The following LCA5L variants were observed in gnomAD, a reference collection of about 807,000 sequenced individuals.
The protein encoded by LCA5L is lebercilin LCA5 like.
A neutral mutation model predicts 45.4 loss-of-function variants in LCA5L; 35 were observed. The ratio of observed to expected loss-of-function variants is 0.77; its 90% CI spans 0.59 to 1.02. The LOEUF is 1.02. Among genes scored for constraint, LCA5L ranks in the 50% least tolerant of loss-of-function variants. LCA5L has a pLI of 0.00. For missense variants in LCA5L, 668 were observed against 761.6 expected, an observed-to-expected ratio of 0.88 and a Z score of 1.45; for synonymous variants, 233 against 264.7, an observed-to-expected ratio of 0.88 and a Z score of 1.16.
chr21:39,430,482 G>T (rs572427543), intron 3 of LCA5L, among the ~76,000 whole-genome samples: 3 of 152,194 alleles, frequency 2.0e-5, no homozygotes, highest in Admixed American at 6.5e-5. Flanking sequence ...CAATTTGAAG[G>T]CAGACCGGCT....
chr21:39,412,091 ATTC>A (rs2040186408), intron 7 of LCA5L, among the ~76,000 whole-genome samples: 4 of 152,324 alleles, frequency 2.6e-5, no homozygotes, highest in African/African-American at 9.6e-5. Context: ...TTTATGAAAT[ATTC>A]TTCTGTACTG....
At chr21:39,414,734 C>CTGTGTGTGTG (rs1446676855) in intron 7 of LCA5L, among the ~76,000 whole-genome samples, 73 of 103,246 alleles carry the variant, frequency 7.1e-4, no homozygotes, top group African/African-American at 2.8e-3. Flanking sequence ...CTCTCTCTCT[C>CTGTGTGTGTG]TCTCTCTCTG....
chr21:39,437,857 G>A (rs2076435906), intron 2 of LCA5L, among the ~76,000 whole-genome samples: 1 of 151,842 alleles, frequency 6.6e-6, no homozygotes, highest in Non-Finnish European at 1.5e-5. Flanking sequence ...ATAATATGAA[G>A]GAAACTTTAA....
chr21:39,406,996 G>A (rs1289102375), intron 10 of LCA5L, among the ~76,000 whole-genome samples: 1 of 152,184 alleles, frequency 6.6e-6, no homozygotes, highest in Non-Finnish European at 1.5e-5. Context: ...GGAGGCTGAG[G>A]CAGGAGGACT....
In LCA5L at chr21:39,409,270, C is replaced by A. The variant is rs2147139944; in HGVS notation, c.1282+709G>T. 6.6e-6 allele frequency among the ~76,000 whole-genome samples: 1 copy of A among 152,274 alleles called. No individual in the cohort carries two copies. The highest frequency in any genetic ancestry group is 2.1e-4 in the South Asian group (1 of 4,830). On this transcript the variant is annotated intron_variant, in intron 10 of 10. Transcript: ENST00000288350. This position sits in a 1 kb window ranked among gnomAD's most constrained non-coding sequence, Gnocchi z 4.2. ...GAGGGCCTTAACTGAAGCCAAATGC[C>A]TAGAACCTTGATCTCGGACTTCCTA... is the stretch of plus-strand genomic sequence containing the variant.
At chr21:39,432,265 T>C (rs2075810504) in intron 3 of LCA5L, among the ~76,000 whole-genome samples, 1 of 152,180 alleles carries the variant, frequency 6.6e-6, no homozygotes, top group Non-Finnish European at 1.5e-5. Flanking sequence ...ATGCTTCTTT[T>C]TGCTACAACA....
At chr21:39,410,196 A>C in intron 9 of LCA5L, 68 bp downstream of exon 9, 1 of 1,248,386 alleles carries the variant, frequency 8.0e-7, no homozygotes, top group Non-Finnish European at 1.2e-6. Flanking sequence ...ACATAGAACA[A>C]GTGACTGTAG....
Position 39,428,393 on chromosome 21 carries a change from C to T in LCA5L, c.101G>A (p.Gly34Asp), listed in dbSNP as rs777622619. The change falls in exon 5 of 11, where the codon GGC (glycine) becomes GAC (aspartate). Residue 34 changes from glycine to aspartate, a missense_variant. Transcript: ENST00000288350. Reference sequence around the variant, plus strand: ...ACTGTTCCGTGAAAAATCGCCTGTGCCTGGGCTTCTCTTGCATGCTGCAGA... The same window carrying T: ...ACTGTTCCGTGAAAAATCGCCTGTGTCTGGGCTTCTCTTGCATGCTGCAGA... ...RRSAACKRSP[G>D]TGDFSRNSNA... The T allele has an allele frequency of 9.9e-6, 16 of 1,613,166 alleles. No homozygotes were observed. The South Asian group carries it at 1.4e-4, about 14-fold the overall frequency.
In LCA5L at chr21:39,406,309, G is replaced by A; in HGVS notation, c.1586C>T (p.Ala529Val). ...RQRRHYSFTE[A>V]TENLHHGLPA... ...AAGCCCATGATGCAGGTTTTCAGTT[G>A]CTTCTGTGAATGAGTAATGTCTTCT... The change falls in exon 11 of 11, where the codon GCA becomes GTA. Residue 529 changes from alanine to valine, a missense_variant. Transcript: ENST00000288350. 6.2e-7 allele frequency: 1 copy of A among 1,614,170 alleles called. No individual in the cohort carries two copies. The highest frequency in any genetic ancestry group is 8.5e-7 in the Non-Finnish European group (1 of 1,180,026).
chr21:39,406,658 A>G, intron 10 of LCA5L, 46 bp from the exon 11 acceptor site: 1 of 1,430,014 alleles, frequency 7.0e-7, no homozygotes, highest in Non-Finnish European at 9.5e-7. Context: ...AAATGAATGG[A>G]TCTCTATTTC....
At chr21:39,412,463 A>G (rs1245653178) in intron 7 of LCA5L, among the ~76,000 whole-genome samples, 1 of 152,222 alleles carries the variant, frequency 6.6e-6, no homozygotes, top group African/African-American at 2.4e-5. Context: ...TCCTTCTTAC[A>G]TGTACACCAG....
Position 39,423,037 on chromosome 21 carries a change from T to G in LCA5L, c.776A>C (p.Glu259Ala). ...GATAATAGATAATTTATGAGTGAGT[T>G]CTTCCCTTTCTGCAAGGTTTTTGTC... ...SEDKNLAERE[E>A]LTHKLSIITT... The change falls in exon 6 of 11, where the codon GAA (glutamate) becomes GCA (alanine). Residue 259 changes from glutamate to alanine, a missense_variant. Physicochemically the swap from Glu to Ala is moderately radical, Grantham distance 107. Coordinates refer to ENST00000288350, the MANE Select transcript of LCA5L (RefSeq NM_152505.4). 6.2e-7 allele frequency: 1 copy of G among 1,614,152 alleles called. No homozygotes were observed. Among genetic ancestry groups the G allele is most frequent in the Non-Finnish European group, 8.5e-7 (1 of 1,179,980 alleles).
rs1030026023 is a variant in LCA5L, at chr21:39,435,827, G to A, written c.-245-254C>T. 5.9e-5 allele frequency among the ~76,000 whole-genome samples: 9 copies of A among 152,162 alleles called. No individual in the cohort carries two copies. In the South Asian group the frequency reaches 1.9e-3, roughly 32 times the overall value. On this transcript the variant is annotated intron_variant, in intron 2 of 10. Coordinates refer to ENST00000288350, the MANE Select transcript of LCA5L (RefSeq NM_152505.4). ...ATTTTTTTGTATTTTTAGTACAGAC[G>A]GGGTTTTACCATGTTGGCCAGGCTG...
At position 39,433,765 on chromosome 21, in the gene LCA5L, CTT is replaced by C. The variant is rs10574657; in HGVS notation, c.-92+1653_-92+1654del. On this transcript the variant is annotated intron_variant, in intron 3 of 10. Transcript: ENST00000288350. ...TACCACACTATTTTGGTTACTGTAG[CTT>C]TTTTTTTTTTTTTTTGAGAGAGGGT... is the stretch of plus-strand genomic sequence containing the variant. 4.3e-3 allele frequency among the ~76,000 whole-genome samples: 588 copies of C among 136,588 alleles called. 3 individuals carry two copies. The highest frequency in any genetic ancestry group is 0.015 in the African/African-American group (551 of 37,504). 89.6% of individuals were successfully genotyped at this position (136,588 alleles called of 152,430 possible). A position where few individuals can be genotyped will look rare whatever the true frequency, so the allele number is the denominator to read the frequency against.
At chr21:39,421,923 T>C (rs1167415732) in intron 6 of LCA5L, 1 of 152,194 alleles carries the variant, frequency 6.6e-6, no homozygotes, top group Non-Finnish European at 1.5e-5. Context: ...TGTATAGATA[T>C]AAAAACATGA....
Position 39,406,472 on chromosome 21 carries a change from C to A in LCA5L, c.1423G>T (p.Val475Phe). ...EQELPPKIIE[V>F]IHPERESNQE... ...TTGCTTTCTCTTTCAGGATGAATAACTTCAATTATTTTTGGTGGTAGTTCT... is the reference window on the plus strand; with the variant it reads ...TTGCTTTCTCTTTCAGGATGAATAAATTCAATTATTTTTGGTGGTAGTTCT... The change falls in exon 11 of 11, where the codon GTT (valine) becomes TTT (phenylalanine). Residue 475 changes from valine to phenylalanine, a missense_variant. Coordinates refer to ENST00000288350, the MANE Select transcript of LCA5L (RefSeq NM_152505.4). The A allele has an allele frequency of 3.7e-6, 6 of 1,613,924 alleles. No homozygotes were observed. The highest frequency in any genetic ancestry group is 4.2e-6 in the Non-Finnish European group (5 of 1,179,958).
At position 39,413,543 on chromosome 21, in the gene LCA5L, T is replaced by C. The variant is rs114510909; in HGVS notation, c.976-1741A>G. On this transcript the variant is annotated intron_variant, in intron 7 of 10. Coordinates refer to ENST00000288350, the MANE Select transcript of LCA5L (RefSeq NM_152505.4). ...TACTCATTTGAATCATAAAATTAGT[T>C]TATTATCAGAGGTACACAAAGGGAT... Among the ~76,000 whole-genome samples, 1,511 of 152,320 alleles carry C rather than the reference T, an allele frequency of 9.9e-3. 22 individuals are homozygous for C. Among genetic ancestry groups the C allele is most frequent in the African/African-American group, 0.035 (1,438 of 41,576 alleles).
At chr21:39,420,919 T>A in intron 6 of LCA5L, 76 bp from the exon 7 acceptor site, 3 of 1,135,158 alleles carry the variant, frequency 2.6e-6, no homozygotes, top group Non-Finnish European at 3.9e-6. Flanking sequence ...TGGAACTAAC[T>A]ACATTTATGA....
chr21:39,406,179 A>G lies in LCA5L; in HGVS notation c.1716T>C (p.Ser572=). 1 of 1,614,218 alleles carries G rather than the reference A, an allele frequency of 6.2e-7. No individual in the cohort carries two copies. The highest frequency in any genetic ancestry group is 8.5e-7 in the Non-Finnish European group (1 of 1,180,028). ...ACTTACCAAATGAGGGCTCATACCC[A>G]CTGTCAGAATGCTCTAGCTCCATTT... is the stretch of plus-strand genomic sequence containing the variant. The part of the protein sequence containing the change: ...REEMELEHSD[S]GYEPSFGKSS... The change falls in exon 11 of 11, where the codon AGT becomes AGC. Residue 572 remains serine (S), a synonymous_variant. Coordinates refer to ENST00000288350, the MANE Select transcript of LCA5L (RefSeq NM_152505.4).
Sources: gnomAD v4.1 joint callset for allele counts (sites outside exome capture counted in the v4.1 genomes callset) on GRCh38, gnomAD v4.1.1 for gene constraint, Gnocchi (gnomAD v3.1) non-coding constraint, MANE v1.5 for transcripts, NCBI Gene and HGNC (gene_info 2026-07-23, HGNC 2026-07-21) for gene names.